Variants in PTPRD observed in about 807,000 individuals in gnomAD.
The protein encoded by PTPRD is receptor-type tyrosine-protein phosphatase delta.
In PTPRD, 34 loss-of-function variants were observed where a neutral mutation model predicts 214.5. The observed-to-expected ratio is 0.16, with a 90% CI of 0.12 to 0.21. The LOEUF (loss-of-function observed/expected upper bound fraction) is 0.21, where lower values mean the gene tolerates loss of function less well. Ranked by LOEUF, PTPRD falls within the 10% of genes least tolerant of loss-of-function variation. PTPRD has a pLI of 1.00. For missense variants in PTPRD, 2,545 were observed against 2,398.7 expected, an observed-to-expected ratio of 1.06 and a Z score of -1.27; for synonymous variants, 1,128 against 845.7, an observed-to-expected ratio of 1.33 and a Z score of -5.79.
At position 9,480,877 on chromosome 9, in the gene PTPRD, G is replaced by C. The variant is rs115522747; in HGVS notation, c.-236-83395C>G. On this transcript the variant is annotated intron_variant, in intron 8 of 45. Transcript: ENST00000381196. ...TTGAAAGAAGAAAGGACTGCTAAGAGATGGAACTGTCAAAGGATTAATCAT... is the reference window on the plus strand; with the variant it reads ...TTGAAAGAAGAAAGGACTGCTAAGACATGGAACTGTCAAAGGATTAATCAT... 3.6e-3 allele frequency among the ~76,000 whole-genome samples: 554 copies of C among 152,240 alleles called. 3 individuals carry two copies. Among genetic ancestry groups the C allele is most frequent in the African/African-American group, 0.013 (524 of 41,558 alleles).
chr9:8,650,710 T>C (rs1475368124), intron 12 of PTPRD, among the ~76,000 whole-genome samples: 1 of 152,124 alleles, frequency 6.6e-6, no homozygotes, highest in Non-Finnish European at 1.5e-5. Context: ...CTGACAGAGA[T>C]CATATTCTAA....
chr9:9,423,226 C>T (rs2079500970), intron 8 of PTPRD, among the ~76,000 whole-genome samples: 1 of 152,104 alleles, frequency 6.6e-6, no homozygotes, highest in Admixed American at 6.6e-5. Context: ...GCCTTAACCC[C>T]CAACATGATG....
intron 8 of PTPRD, among the ~76,000 whole-genome samples, chr9:9,535,661 ATCCATTAGAGTTTAATGTGG>A: frequency 1.3e-5 from 2 of 152,244 alleles, no homozygotes; most frequent in East Asian, 3.9e-4. Context: ...TACTTATTAC[ATCCATTAGAGTTTAATGTGG>A]AGAAACAAGC....
At chr9:8,338,865 G>GAGAGAGAGA in intron 43 of PTPRD, 57 bp downstream of exon 43, 770 of 1,504,554 alleles carry the variant, frequency 5.1e-4, no homozygotes, top group South Asian at 8.1e-4. Context: ...GAGAGAGAGA[G>GAGAGAGAGA]GTATCTTAGA....
chr9:10,415,143 T>G (rs1205404240), intron 2 of PTPRD, among the ~76,000 whole-genome samples: 2 of 151,720 alleles, frequency 1.3e-5, no homozygotes, highest in Non-Finnish European at 2.9e-5. Flanking sequence ...ATACACCAAA[T>G]AATTTGTGAC....
chr9:8,693,691 G>A (rs1414319140), intron 12 of PTPRD, among the ~76,000 whole-genome samples: 3 of 152,160 alleles, frequency 2.0e-5, no homozygotes, highest in Admixed American at 2.0e-4. Flanking sequence ...TAAGTGAGCT[G>A]TTTCTACAGA....
chr9:9,938,510 G>A lies in PTPRD; in HGVS notation c.-371C>T, dbSNP rs1050830834. The A allele has an allele frequency of 2.0e-5, 3 of 152,094 alleles. No individual in the cohort carries two copies. Among genetic ancestry groups the A allele is most frequent in the African/African-American group, 7.2e-5 (3 of 41,418 alleles). The allele number at this position is 152,094 out of a possible 1,614,324, so 9.4% of individuals were successfully genotyped here. Reference sequence around the variant, plus strand: ...TACCCAGTCATACTGAACTCACCTGGAGCCGAAGCCCATCGCTTCCCTCGG... The same window carrying A: ...TACCCAGTCATACTGAACTCACCTGAAGCCGAAGCCCATCGCTTCCCTCGG... On this transcript the variant is annotated 5_prime_UTR_variant, in exon 5 of 46. Transcript: ENST00000381196.
In PTPRD at chr9:9,005,041, C is replaced by A. The variant is rs1348857567; in HGVS notation, c.-104+13656G>T. The stretch of plus-strand genomic sequence containing the variant: ...ACCAGCCATTCCTTCATTAGCCATG[C>A]TCTCTTTATGCCCTCTAGTGCATAT... On this transcript the variant is annotated intron_variant, in intron 11 of 45. Transcript: ENST00000381196. Among the ~76,000 whole-genome samples, 5 of 152,176 alleles carry A rather than the reference C, an allele frequency of 3.3e-5. No individual in the cohort carries two copies. In the East Asian group the frequency reaches 9.7e-4, roughly 29 times the overall value.
chr9:10,228,278 A>G (rs938290299), intron 3 of PTPRD, among the ~76,000 whole-genome samples: 4 of 152,012 alleles, frequency 2.6e-5, no homozygotes, highest in Non-Finnish European at 5.9e-5. Flanking sequence ...TTTCCTGTTA[A>G]TGTTTGAATA....
At chr9:10,276,979 G>A (rs1229815168) in intron 3 of PTPRD, among the ~76,000 whole-genome samples, 1 of 152,080 alleles carries the variant, frequency 6.6e-6, no homozygotes, top group African/African-American at 2.4e-5. Flanking sequence ...TTTTGCCCTG[G>A]ATACCTCCCT....
intron 9 of PTPRD, among the ~76,000 whole-genome samples, chr9:9,348,957 T>A (rs534853450): frequency 1.8e-4 from 28 of 152,220 alleles, no homozygotes; most frequent in African/African-American, 6.0e-4. Context: ...CCTATTTTAA[T>A]AGGAAGTAGT....
At chr9:9,314,212 G>T (rs571678073) in intron 9 of PTPRD, among the ~76,000 whole-genome samples, 3 of 152,200 alleles carry the variant, frequency 2.0e-5, no homozygotes, top group Admixed American at 6.5e-5. Context: ...GGAATAAAAA[G>T]AGGACTGCTC....
Position 9,274,401 on chromosome 9 carries a change from T to C in PTPRD, c.-202-91038A>G, listed in dbSNP as rs116114799. Among the ~76,000 whole-genome samples the C allele has an allele frequency of 7.0e-3, 1,055 of 151,474 alleles. 13 individuals carry two copies. Among genetic ancestry groups the C allele is most frequent in the African/African-American group, 0.024 (1,010 of 41,474 alleles). ...CATTTGTGGTAAATGTCTGCATAAA[T>C]AGATACTCAACCAATTATTATCAGA... On this transcript the variant is annotated intron_variant, in intron 9 of 45. Transcript: ENST00000381196.
chr9:8,804,042 C>T (rs1046752491), intron 11 of PTPRD, among the ~76,000 whole-genome samples: 2 of 151,832 alleles, frequency 1.3e-5, no homozygotes, highest in Non-Finnish European at 2.9e-5. Context: ...AACTTCTGCC[C>T]CCTGGGTTCA....
At chr9:9,874,544 T>C (rs2066335621) in intron 5 of PTPRD, among the ~76,000 whole-genome samples, 1 of 152,286 alleles carries the variant, frequency 6.6e-6, no homozygotes, top group African/African-American at 2.4e-5. Flanking sequence ...AGGTGCTAGA[T>C]TTAGCAAAAT....
At chr9:10,004,946 A>C (rs10816275) in intron 4 of PTPRD, among the ~76,000 whole-genome samples, 73,462 of 151,890 alleles carry the variant, frequency 0.48, 21,152 homozygotes, top group Middle Eastern at 0.66. Flanking sequence ...AGGGTCTTAA[A>C]ATTAACTAAC....
At chr9:9,219,026 A>G (rs941766104) in intron 9 of PTPRD, among the ~76,000 whole-genome samples, 7 of 152,190 alleles carry the variant, frequency 4.6e-5, no homozygotes, top group African/African-American at 1.2e-4. Context: ...GTACTTTGGT[A>G]CACAATTTTT....
chr9:9,004,016 A>G (rs930582191), intron 11 of PTPRD, among the ~76,000 whole-genome samples: 8 of 152,078 alleles, frequency 5.3e-5, no homozygotes, highest in Non-Finnish European at 1.0e-4. Context: ...GCTGCATTGC[A>G]AAGACCAATA....
intron 35 of PTPRD, among the ~76,000 whole-genome samples, chr9:8,433,847 T>C (rs2095218477): frequency 6.6e-6 from 1 of 152,166 alleles, no homozygotes; most frequent in Non-Finnish European, 1.5e-5. Flanking sequence ...TTATAGTGTT[T>C]ATAAAGTCTA....
Sources: gnomAD v4.1 joint callset for allele counts (sites outside exome capture counted in the v4.1 genomes callset) on GRCh38, gnomAD v4.1.1 for gene constraint, MANE v1.5 for transcripts, NCBI Gene and HGNC (gene_info 2026-07-23, HGNC 2026-07-21) for gene names.